The following GLRA3 variants were observed in gnomAD, a reference collection of about 807,000 sequenced individuals.
GLRA3 encodes the protein glycine receptor alpha 3, also known as glycine receptor subunit alpha-3.
A neutral mutation model predicts 60.4 loss-of-function variants in GLRA3; 44 were observed. The observed-to-expected ratio is 0.73, with a 90% CI of 0.57 to 0.94. The LOEUF (loss-of-function observed/expected upper bound fraction) is 0.94. Among genes scored for constraint, GLRA3 ranks in the 40% least tolerant of loss-of-function variants. GLRA3 has a pLI of 0.00. For missense variants in GLRA3, 508 were observed against 564.6 expected (o/e 0.90, Z 1.02); for synonymous variants, 223 against 192.9 (o/e 1.16, Z -1.29).
In GLRA3 at chr4:174,643,094, G is replaced by A. The variant is rs547492424; in HGVS notation, c.*692C>T. The stretch of plus-strand genomic sequence containing the variant: ...AGTTGTTTCCCGTATTTCCACCTTC[G>A]TTCCTAGAGATACAAAGTTTAAGAA... On this transcript the variant is annotated 3_prime_UTR_variant, in exon 10 of 10. Coordinates refer to ENST00000274093, the MANE Select transcript of GLRA3 (RefSeq NM_006529.4). 30 of 930,650 alleles carry A rather than the reference G, an allele frequency of 3.2e-5. No homozygotes were observed. The East Asian group carries it at 3.5e-4, about 11-fold the overall frequency. 57.6% of individuals were successfully genotyped at this position (930,650 alleles called of 1,614,324 possible). A position where few individuals can be genotyped will look rare whatever the true frequency, so the allele number is the denominator to read the frequency against.
At chr4:174,648,393 C>T (rs965375244) in intron 9 of GLRA3, among the ~76,000 whole-genome samples, 23 of 152,008 alleles carry the variant, frequency 1.5e-4, no homozygotes, top group Admixed American at 5.9e-4. Context: ...GAACCCAGGA[C>T]GTAGAGGTTG....
At chr4:174,786,768 T>C (rs944628461) in intron 2 of GLRA3, among the ~76,000 whole-genome samples, 1 of 152,206 alleles carries the variant, frequency 6.6e-6, no homozygotes, top group African/African-American at 2.4e-5. Context: ...ATAATTGATA[T>C]TATTTTTGGC....
intron 7 of GLRA3, among the ~76,000 whole-genome samples, chr4:174,676,445 G>A (rs929650346): frequency 1.3e-5 from 2 of 152,054 alleles, no homozygotes; most frequent in Non-Finnish European, 2.9e-5. Context: ...ACATATCAAT[G>A]CATATGGCTA....
chr4:174,808,797 T>C (rs1740149647), intron 1 of GLRA3, among the ~76,000 whole-genome samples: 1 of 151,862 alleles, frequency 6.6e-6, no homozygotes, highest in Non-Finnish European at 1.5e-5. Context: ...AAAATTTAAA[T>C]GTGAAAAAAA....
At chr4:174,736,336 C>A (rs1370218190) in intron 3 of GLRA3, among the ~76,000 whole-genome samples, 1 of 151,882 alleles carries the variant, frequency 6.6e-6, no homozygotes, top group Non-Finnish European at 1.5e-5. Context: ...ATATACGTAA[C>A]ATTTATCATC....
In GLRA3 at chr4:174,702,851, A is replaced by G. The variant is rs570889469; in HGVS notation, c.574+12637T>C. 4.3e-4 allele frequency among the ~76,000 whole-genome samples: 65 copies of G among 152,332 alleles called. 1 individual carries two copies. In the South Asian group the frequency reaches 0.012, roughly 29 times the overall value. ...AAATATTTTAAATTCTATTGATGGT[A>G]TATTTGAATCATATTCATATATAAA... On this transcript the variant is annotated intron_variant, in intron 5 of 9. Transcript: ENST00000274093.
chr4:174,751,309 T>C (rs1279217092), intron 3 of GLRA3, among the ~76,000 whole-genome samples: 1 of 152,026 alleles, frequency 6.6e-6, no homozygotes, highest in Non-Finnish European at 1.5e-5. Context: ...AACAATTTTA[T>C]CAAATAATGA....
chr4:174,688,759 A>C (rs1230848774), intron 5 of GLRA3, among the ~76,000 whole-genome samples: 1 of 151,998 alleles, frequency 6.6e-6, no homozygotes, highest in Non-Finnish European at 1.5e-5. Context: ...AGGATTGGAG[A>C]TTTAAGTTAA....
rs753341272 is a variant in GLRA3 at position 174,659,212 on chromosome 4, A to G, written c.928-15T>C. ...ACATATGAAACCTAGCCAAGAGAGA[A>G]AGAGAAAGCAAGCAAATTCACTTAT... On this transcript the variant is annotated splice_polypyrimidine_tract_variant and intron_variant, in intron 7 of 9. Transcript: ENST00000274093. 2 of 1,596,728 alleles carry G rather than the reference A, an allele frequency of 1.3e-6. No individual in the cohort carries two copies. Among genetic ancestry groups the G allele is most frequent in the Non-Finnish European group, 1.7e-6 (2 of 1,171,386 alleles).
intron 1 of GLRA3, among the ~76,000 whole-genome samples, chr4:174,806,748 C>T (rs1386442830): frequency 2.6e-5 from 4 of 151,872 alleles, no homozygotes; most frequent in Non-Finnish European, 2.9e-5. Flanking sequence ...TTGGTATCCT[C>T]GGGAGTCCTG....
intron 1 of GLRA3, among the ~76,000 whole-genome samples, chr4:174,801,224 C>T (rs1739799297): frequency 6.6e-6 from 1 of 152,046 alleles, no homozygotes; most frequent in Non-Finnish European, 1.5e-5. Context: ...GTAAAATGCT[C>T]TTGTCAAGGT....
At chr4:174,688,939 T>G (rs910983079) in intron 5 of GLRA3, among the ~76,000 whole-genome samples, 3 of 152,076 alleles carry the variant, frequency 2.0e-5, no homozygotes, top group Non-Finnish European at 4.4e-5. Flanking sequence ...GAGGTACATT[T>G]CAGCTAAATA....
At chr4:174,657,582 A>T (rs1209418544) in intron 8 of GLRA3, among the ~76,000 whole-genome samples, 3 of 152,232 alleles carry the variant, frequency 2.0e-5, no homozygotes, top group Middle Eastern at 3.4e-3. Context: ...CCTGTGATAC[A>T]GCATTTGTAC....
chr4:174,783,623 G>GA (rs987862246), intron 2 of GLRA3, among the ~76,000 whole-genome samples: 1 of 142,004 alleles, frequency 7.0e-6, no homozygotes, highest in African/African-American at 2.6e-5. Flanking sequence ...AAATTTACAA[G>GA]AAAAAAACAA....
intron 2 of GLRA3, 93 bp from the exon 3 acceptor site, chr4:174,767,123 T>TACACACACACAC (rs10551381): frequency 4.2e-6 from 2 of 471,788 alleles, no homozygotes; most frequent in African/African-American, 4.0e-5. Flanking sequence ...TATTCCATTT[T>TACACACACACAC]ACACACACAC....
chr4:174,749,717 C>G (rs1737389689), intron 3 of GLRA3, among the ~76,000 whole-genome samples: 1 of 151,934 alleles, frequency 6.6e-6, no homozygotes, highest in Non-Finnish European at 1.5e-5. Context: ...GTCAGAGAAC[C>G]AGGGATTTTT....
intron 5 of GLRA3, among the ~76,000 whole-genome samples, chr4:174,685,876 C>A (rs1734537495): frequency 6.6e-6 from 1 of 152,110 alleles, no homozygotes; most frequent in African/African-American, 2.4e-5. Flanking sequence ...CCAATTTAGA[C>A]AGATGAATGG....
At chr4:174,762,695 A>G (rs1383590841) in intron 3 of GLRA3, among the ~76,000 whole-genome samples, 1 of 152,170 alleles carries the variant, frequency 6.6e-6, no homozygotes, top group Non-Finnish European at 1.5e-5. Context: ...TAAATTTTAA[A>G]TTTGTGAAGG....
intron 9 of GLRA3, among the ~76,000 whole-genome samples, chr4:174,650,842 T>G (rs1485714663): frequency 6.6e-6 from 1 of 152,210 alleles, no homozygotes; most frequent in Non-Finnish European, 1.5e-5. Flanking sequence ...ACAGACCATC[T>G]AGTTTACCAG....
Sources: allele counts gnomAD v4.1 joint callset (sites outside exome capture counted in the v4.1 genomes callset), GRCh38; gene constraint gnomAD v4.1.1; transcripts MANE v1.5; gene names NCBI Gene and HGNC (gene_info 2026-07-23, HGNC 2026-07-21).